The following ALDH3B1 variants were observed in gnomAD, a reference collection of about 807,000 sequenced individuals.
The protein encoded by ALDH3B1 is aldehyde dehydrogenase family 3 member B1.
Under a neutral mutation model 46.2 loss-of-function variants are expected in ALDH3B1, and 37 were observed. The ratio of observed to expected loss-of-function variants is 0.80; its 90% CI spans 0.62 to 1.05. The LOEUF (loss-of-function observed/expected upper bound fraction) is 1.05. ALDH3B1 is among the 50% of genes least tolerant of loss of function. The pLI, the probability that ALDH3B1 is intolerant of heterozygous loss-of-function variation, is 0.00. For missense variants in ALDH3B1, 603 were observed against 665.5 expected (o/e 0.91, Z 1.03); for synonymous variants, 283 against 281.0 (o/e 1.01, Z -0.07).
intron 5 of ALDH3B1, 30 bp downstream of exon 5, chr11:68,019,285 G>A (rs779207916): frequency 6.3e-7 from 1 of 1,598,146 alleles, no homozygotes; most frequent in Admixed American, 1.7e-5. Flanking sequence ...AGGTAGAGCG[G>A]GAACAGGCAA....
chr11:68,012,363 C>A (rs184609513), intron 1 of ALDH3B1, among the ~76,000 whole-genome samples: 97 of 152,304 alleles, frequency 6.4e-4, no homozygotes, highest in African/African-American at 2.2e-3. Flanking sequence ...GGCCCGTGGC[C>A]TTGAGAGGAA....
intron 8 of ALDH3B1, among the ~76,000 whole-genome samples, chr11:68,023,167 T>C (rs1435856801): frequency 6.6e-6 from 1 of 152,182 alleles, no homozygotes; most frequent in Non-Finnish European, 1.5e-5. Flanking sequence ...CTACCCCTGC[T>C]TAAGCTGCAG....
intron 1 of ALDH3B1, among the ~76,000 whole-genome samples, chr11:68,011,296 G>A (rs946337122): frequency 3.9e-5 from 6 of 152,180 alleles, no homozygotes; most frequent in African/African-American, 7.2e-5. Context: ...ATACCGGATC[G>A]CTGCAGACTG....
upstream of ALDH3B1, among the ~76,000 whole-genome samples, chr11:68,009,273 G>A (rs1236150283): frequency 6.6e-6 from 1 of 152,246 alleles, no homozygotes; most frequent in East Asian, 1.9e-4. Flanking sequence ...GAACACGGAA[G>A]CACAGGGCGC....
At chr11:68,010,137 C>T (rs1253534602), upstream of ALDH3B1, among the ~76,000 whole-genome samples, 1 of 152,176 alleles carries the variant, frequency 6.6e-6, no homozygotes, top group Non-Finnish European at 1.5e-5. Flanking sequence ...TGCTGTGTGG[C>T]TCTAGCCTGG....
Position 68,015,587 on chromosome 11 carries a change from G to C in ALDH3B1, c.162+128G>C, listed in dbSNP as rs1857335323. ...GGGCTAAAAGCAGCTCCTCCCCTAG[G>C]CCAGAGCCACCCTTGCACATTCATC... On this transcript the variant is annotated intron_variant, in intron 2 of 9. Transcript: ENST00000342456. 3.3e-6 allele frequency: 4 copies of C among 1,229,774 alleles called. No homozygotes were observed. The South Asian group carries it at 5.2e-5, about 16-fold the overall frequency. 76.2% of individuals were successfully genotyped at this position (1,229,774 alleles called of 1,614,324 possible). A position where few individuals can be genotyped will look rare whatever the true frequency, so the allele number is the denominator to read the frequency against.
intron 1 of ALDH3B1, among the ~76,000 whole-genome samples, chr11:68,012,748 T>C (rs1246524075): frequency 6.6e-6 from 1 of 152,216 alleles, no homozygotes; most frequent in Non-Finnish European, 1.5e-5. Context: ...CCCAGCCCAG[T>C]GTCCCTTCCC....
In ALDH3B1 at chr11:68,028,721, A is replaced by C. The variant is rs1854656646; in HGVS notation, c.*782A>C. ...ACCTCCTGGGACTGTTGCAAGGATG[A>C]AATGAAGGATTGAGGGATTGAGGGA... On this transcript the variant is annotated 3_prime_UTR_variant, in exon 10 of 10. Coordinates refer to ENST00000342456, the MANE Select transcript of ALDH3B1 (RefSeq NM_000694.4). 6.6e-6 allele frequency: 1 copy of C among 150,934 alleles called. No homozygotes were observed. The highest frequency in any genetic ancestry group is 2.4e-5 in the African/African-American group (1 of 41,020). The allele number at this position is 150,934 out of a possible 1,614,324, so 9.3% of individuals were successfully genotyped here. A position where few individuals can be genotyped will look rare whatever the true frequency, so the allele number is the denominator to read the frequency against.
chr11:68,020,237 CT>C (rs563002405), intron 6 of ALDH3B1, among the ~76,000 whole-genome samples: 2 of 150,560 alleles, frequency 1.3e-5, no homozygotes, highest in South Asian at 2.1e-4. Flanking sequence ...CTTTTTTTTT[CT>C]TTTTTTTTGA....
intron 4 of ALDH3B1, 39 bp from the exon 5 acceptor site, chr11:68,019,131 C>A: frequency 6.3e-7 from 1 of 1,584,876 alleles, no homozygotes; most frequent in Non-Finnish European, 8.6e-7. Context: ...CAGGAGCTGG[C>A]TACGCCTCCT....
upstream of ALDH3B1, among the ~76,000 whole-genome samples, chr11:68,009,051 G>A (rs990295101): frequency 6.6e-6 from 1 of 152,192 alleles, no homozygotes; most frequent in Admixed American, 6.5e-5. Context: ...TCATGACCAC[G>A]GTCCTAAGCA....
intron 1 of ALDH3B1, among the ~76,000 whole-genome samples, chr11:68,013,639 T>C (rs1857280158): frequency 6.6e-6 from 1 of 152,208 alleles, no homozygotes; most frequent in African/African-American, 2.4e-5. Flanking sequence ...ATCCTCACAA[T>C]GACACCAGGT....
intron 7 of ALDH3B1, 127 bp from the exon 8 acceptor site, chr11:68,022,468 C>G (rs1857522767): frequency 1.6e-6 from 2 of 1,288,156 alleles, no homozygotes; most frequent in Admixed American, 5.3e-5. Flanking sequence ...AGCCTGAAGC[C>G]TTGGGAAGTC....
intron 8 of ALDH3B1, 141 bp downstream of exon 8, chr11:68,022,902 T>C (rs1254659781): frequency 7.8e-7 from 1 of 1,289,972 alleles, no homozygotes; most frequent in African/African-American, 1.5e-5. Flanking sequence ...CCCACTCTCC[T>C]GGAAGCAGCT....
chr11:68,020,588 T>G (rs1021431154), intron 6 of ALDH3B1, among the ~76,000 whole-genome samples: 3 of 152,188 alleles, frequency 2.0e-5, no homozygotes, highest in African/African-American at 7.2e-5. Flanking sequence ...ACAGTGGTGC[T>G]GGCAGGCGAG....
intron 2 of ALDH3B1, chr11:68,018,266 C>T (rs1319364383): frequency 2.4e-5 from 12 of 510,092 alleles, no homozygotes; most frequent in South Asian, 1.6e-4. Flanking sequence ...AGCACAGCCA[C>T]GTCCTAATGG....
At chr11:68,013,277 G>A (rs1857272481) in intron 1 of ALDH3B1, among the ~76,000 whole-genome samples, 1 of 152,184 alleles carries the variant, frequency 6.6e-6, no homozygotes, top group Admixed American at 6.5e-5. Flanking sequence ...GTGTCCTGTG[G>A]CCCTGGTGAG....
rs3794179 is a variant in ALDH3B1, at chr11:68,025,696, C to T, written c.1117-313C>T. On this transcript the variant is annotated intron_variant, in intron 8 of 9. Transcript: ENST00000342456. ...ACTGTCCAGTACTGCCCTGCTGCCA[C>T]TACACCCTCCATGTCCCCAAGCAAC... 2.8e-3 allele frequency among the ~76,000 whole-genome samples: 424 copies of T among 152,272 alleles called. 5 individuals carry two copies. The highest frequency in any genetic ancestry group is 6.0e-3 in the East Asian group (31 of 5,180).
intron 1 of ALDH3B1, among the ~76,000 whole-genome samples, chr11:68,012,243 A>G (rs536724109): frequency 2.6e-5 from 4 of 152,168 alleles, no homozygotes; most frequent in Non-Finnish European, 4.4e-5. Flanking sequence ...TCCCTGTGAT[A>G]TGTCAGCCCC....
Sources: allele counts gnomAD v4.1 joint callset (sites outside exome capture counted in the v4.1 genomes callset), GRCh38; gene constraint gnomAD v4.1.1; transcripts MANE v1.5; gene names NCBI Gene and HGNC (gene_info 2026-07-23, HGNC 2026-07-21).